PHLPP1: variants seen among roughly 807,000 people sequenced by gnomAD.
PHLPP1 encodes the protein PH domain leucine-rich repeat-containing protein phosphatase 1.
A neutral mutation model predicts 117.2 loss-of-function variants in PHLPP1; 42 were observed. The observed-to-expected ratio is 0.36, with a 90% CI of 0.28 to 0.46. The LOEUF (loss-of-function observed/expected upper bound fraction) is 0.46, where lower values mean the gene tolerates loss of function less well. Among genes scored for constraint, PHLPP1 ranks in the 20% least tolerant of loss-of-function variants. The probability of loss-of-function intolerance (pLI) is 1.00; values close to 1 mark genes in which losing one functional copy is unlikely to be tolerated. For missense variants in PHLPP1, 2,084 were observed against 2,241.9 expected, an observed-to-expected ratio of 0.93 and a Z score of 1.42; for synonymous variants, 1,042 against 970.7, an observed-to-expected ratio of 1.07 and a Z score of -1.37.
intron 4 of PHLPP1, among the ~76,000 whole-genome samples, chr18:62,888,279 T>G (rs1916328482): frequency 6.7e-6 from 1 of 148,668 alleles, no homozygotes; most frequent in Non-Finnish European, 1.5e-5. Flanking sequence ...TTTAAAATAT[T>G]TCACAAAATG....
chr18:62,750,351 CTCTCTCTCTG>C (rs1332038318), intron 1 of PHLPP1, among the ~76,000 whole-genome samples: 4 of 152,150 alleles, frequency 2.6e-5, no homozygotes, highest in Non-Finnish European at 5.9e-5. Flanking sequence ...AATAATCTCT[CTCTCTCTCTG>C]TCTCTCCCTG....
chr18:62,766,117 T>TA, intron 1 of PHLPP1, among the ~76,000 whole-genome samples: 1 of 104,464 alleles, frequency 9.6e-6, no homozygotes, highest in Non-Finnish European at 1.9e-5. Flanking sequence ...TATATATATA[T>TA]TTGTACAGAA....
At chr18:62,965,659 A>G (rs1241826402) in intron 14 of PHLPP1, among the ~76,000 whole-genome samples, 7 of 151,232 alleles carry the variant, frequency 4.6e-5, no homozygotes, top group African/African-American at 1.7e-4. Context: ...GGGTTTCACC[A>G]TGTTGGCTAG....
chr18:62,723,217 A>T (rs1454746531), intron 1 of PHLPP1, among the ~76,000 whole-genome samples: 1 of 152,228 alleles, frequency 6.6e-6, no homozygotes, highest in Admixed American at 6.5e-5. Flanking sequence ...TGGAGGTTGC[A>T]CATATTGTAT....
intron 6 of PHLPP1, among the ~76,000 whole-genome samples, chr18:62,899,424 T>G (rs1916658830): frequency 6.6e-6 from 1 of 152,192 alleles, no homozygotes; most frequent in Non-Finnish European, 1.5e-5. Flanking sequence ...CATTGCTTCC[T>G]CGCACCTGCT....
Position 62,838,894 on chromosome 18 carries a change from G to T in PHLPP1, c.1884G>T (p.Leu628=). Reference sequence around the variant, plus strand: ...CTTTCACAGAATACTTAAGGTGGCTGCGACAAGTCTCCAAGGTAAGCAAGC... The same window carrying T: ...CTTTCACAGAATACTTAAGGTGGCTTCGACAAGTCTCCAAGGTAAGCAAGC... The part of the protein sequence containing the change: ...FDTFTEYLRW[L]RQVSKVASQR... The change falls in exon 3 of 17, where the codon CTG becomes CTT. Residue 628 remains leucine (L), a synonymous_variant. Transcript: ENST00000262719. The T allele has an allele frequency of 1.9e-6, 3 of 1,613,840 alleles. No homozygotes were observed. Among genetic ancestry groups the T allele is most frequent in the Non-Finnish European group, 2.5e-6 (3 of 1,179,816 alleles).
chr18:62,808,520 T>A (rs1914016796), intron 1 of PHLPP1, among the ~76,000 whole-genome samples: 1 of 151,892 alleles, frequency 6.6e-6, no homozygotes, highest in African/African-American at 2.4e-5. Flanking sequence ...TCTAAAATAG[T>A]CACTTTTGTT....
intron 3 of PHLPP1, among the ~76,000 whole-genome samples, chr18:62,846,066 A>C (rs1915171767): frequency 6.6e-6 from 1 of 152,020 alleles, no homozygotes; most frequent in Non-Finnish European, 1.5e-5. Context: ...AAAATTAGCC[A>C]GGCATGGTGG....
intron 12 of PHLPP1, among the ~76,000 whole-genome samples, chr18:62,946,869 C>T (rs971155064): frequency 4.6e-5 from 7 of 152,024 alleles, no homozygotes; most frequent in Non-Finnish European, 8.8e-5. Flanking sequence ...CTGGCTAACA[C>T]GGTGAAACCC....
Position 62,893,803 on chromosome 18 carries a change from T to G in PHLPP1, c.2067-1208T>G, listed in dbSNP as rs1916486631. On this transcript the variant is annotated intron_variant, in intron 4 of 16. Coordinates refer to ENST00000262719, the MANE Select transcript of PHLPP1 (RefSeq NM_194449.4). ...TAAGAGTGCACAGAGAAGTAAAAAA[T>G]TAAAGATAGCTTCTTTAATTGCTTA... Among the ~76,000 whole-genome samples the G allele has an allele frequency of 2.0e-5, 3 of 152,054 alleles. No homozygotes were observed. The South Asian group carries it at 6.2e-4, about 32-fold the overall frequency.
At chr18:62,727,832 C>G (rs1020726092) in intron 1 of PHLPP1, among the ~76,000 whole-genome samples, 1 of 152,022 alleles carries the variant, frequency 6.6e-6, no homozygotes, top group African/African-American at 2.4e-5. Flanking sequence ...GCCATCGTCA[C>G]TTTTAGGATG....
Position 62,978,611 on chromosome 18 carries a change from C to A in PHLPP1, c.4334C>A (p.Pro1445His). 1 of 1,613,646 alleles carries A rather than the reference C, an allele frequency of 6.2e-7. No individual in the cohort carries two copies. The highest frequency in any genetic ancestry group is 8.5e-7 in the Non-Finnish European group (1 of 1,179,652). The change falls in exon 17 of 17, where the codon CCT (proline) becomes CAT (histidine). Residue 1445 changes from proline (P) to histidine (H), a missense_variant. By Grantham distance (77) the Pro-to-His change is moderately conservative. Coordinates refer to ENST00000262719, the MANE Select transcript of PHLPP1 (RefSeq NM_194449.4). This position sits in a 1 kb window ranked among gnomAD's most constrained non-coding sequence, Gnocchi z 7.0. ...GGTGGGGCTGTGCCACCACCCAGTC[C>A]TGGCATCTTTCCTCCCTCAGTGAAC... ...SAGGAVPPPS[P>H]GIFPPSVNMV...
At chr18:62,873,473 T>G (rs1050718379) in intron 4 of PHLPP1, among the ~76,000 whole-genome samples, 2 of 152,246 alleles carry the variant, frequency 1.3e-5, no homozygotes, top group African/African-American at 4.8e-5. Context: ...AGAAATTTAT[T>G]ATAATGTTTC....
At chr18:62,951,285 C>T (rs917440851) in intron 12 of PHLPP1, among the ~76,000 whole-genome samples, 4 of 147,942 alleles carry the variant, frequency 2.7e-5, no homozygotes, top group African/African-American at 7.4e-5. Context: ...CTGGCCAACC[C>T]AGACTAGTTT....
Position 62,716,559 on chromosome 18 carries a change from G to C in PHLPP1, c.876G>C (p.Gly292=). 8.4e-7 allele frequency: 1 copy of C among 1,191,602 alleles called. No homozygotes were observed. The allele number at this position is 1,191,602 out of a possible 1,614,324, so 73.8% of individuals were successfully genotyped here. The change falls in exon 1 of 17, where the codon GGG becomes GGC. Residue 292 remains glycine (G), a synonymous_variant. Coordinates refer to ENST00000262719, the MANE Select transcript of PHLPP1 (RefSeq NM_194449.4). The surrounding 1 kb of genome is among the most constrained non-coding windows in gnomAD (Gnocchi z 5.7). ...PPARSAPGAF[G]GPPRAPPADL... is the part of the protein sequence containing the mutation. ...CGAGGAGCGCGCCGGGTGCCTTCGGGGGGCCTCCGCGCGCGCCCCCCGCCG... is the reference window on the plus strand; with the variant it reads ...CGAGGAGCGCGCCGGGTGCCTTCGGCGGGCCTCCGCGCGCGCCCCCCGCCG...
chr18:62,939,902 CT>C lies in PHLPP1; in HGVS notation c.2961-1805del, dbSNP rs530634758. 2.2e-3 allele frequency among the ~76,000 whole-genome samples: 311 copies of C among 143,672 alleles called. 1 individual carries two copies. The highest frequency in any genetic ancestry group is 0.016 in the East Asian group (82 of 4,986). 94.3% of individuals were successfully genotyped at this position (143,672 alleles called of 152,430 possible). A position where few individuals can be genotyped will look rare whatever the true frequency, so the allele number is the denominator to read the frequency against. On this transcript the variant is annotated intron_variant, in intron 10 of 16. Transcript: ENST00000262719. ...TATTCTTTTTAAGGATGATTTTATT[CT>C]TTTTTTTTTTAACAGATGGCAGAAT... is the stretch of plus-strand genomic sequence containing the variant.
At chr18:62,882,393 C>T (rs971949934) in intron 4 of PHLPP1, among the ~76,000 whole-genome samples, 6 of 152,094 alleles carry the variant, frequency 3.9e-5, no homozygotes, top group Non-Finnish European at 7.4e-5. Flanking sequence ...CTCAGCCTCC[C>T]GAGTAGCTGG....
At chr18:62,785,828 G>A (rs2144283912) in intron 1 of PHLPP1, among the ~76,000 whole-genome samples, 1 of 152,304 alleles carries the variant, frequency 6.6e-6, no homozygotes, top group Admixed American at 6.5e-5. Context: ...GGGCCATGCA[G>A]GGGGAAGAGT....
At chr18:62,771,138 C>T (rs533977695) in intron 1 of PHLPP1, among the ~76,000 whole-genome samples, 20 of 149,796 alleles carry the variant, frequency 1.3e-4, no homozygotes, top group South Asian at 4.3e-4. Flanking sequence ...CGCTTGAACC[C>T]GGGAGGTGGA....
Sources: allele counts gnomAD v4.1 joint callset (sites outside exome capture counted in the v4.1 genomes callset), GRCh38; gene constraint gnomAD v4.1.1; non-coding constraint Gnocchi (gnomAD v3.1); transcripts MANE v1.5; gene names NCBI Gene and HGNC (gene_info 2026-07-23, HGNC 2026-07-21).